Variants in ROBO1 observed in about 807,000 individuals in gnomAD.
ROBO1 encodes roundabout guidance receptor 1.
In ROBO1, 149 loss-of-function variants were observed where a neutral mutation model predicts 195.9. The ratio of observed to expected loss-of-function variants is 0.76; its 90% confidence interval spans 0.67 to 0.87. The LOEUF is 0.87. Among genes scored for constraint, ROBO1 ranks in the 40% least tolerant of loss-of-function variants. ROBO1 has a pLI of 0.00. For synonymous variants in ROBO1, 816 were observed against 733.2 expected, an observed-to-expected ratio of 1.11 and a Z score of -1.82; for missense variants, 1,933 against 2,068.3, an observed-to-expected ratio of 0.93 and a Z score of 1.27.
At position 79,436,200 on chromosome 3, in the gene ROBO1, T is replaced by A. The variant is rs538203462; in HGVS notation, c.88+153624A>T. On this transcript the variant is annotated intron_variant, in intron 2 of 30. Transcript: ENST00000464233. The stretch of plus-strand genomic sequence containing the variant: ...TGTGCTAATGAATAAAATGCCATTT[T>A]AAAAATAATAAATGAAACTTAACAA... Among the ~76,000 whole-genome samples the A allele has an allele frequency of 3.9e-5, 6 of 152,180 alleles. No homozygotes were observed. The South Asian group carries it at 1.0e-3, about 26-fold the overall frequency.
chr3:79,274,295 A>G (rs938008723), intron 2 of ROBO1, among the ~76,000 whole-genome samples: 4 of 151,976 alleles, frequency 2.6e-5, no homozygotes, highest in Admixed American at 6.6e-5. Context: ...AGCTATGTCA[A>G]ATATCTTCTC....
intron 10 of ROBO1, among the ~76,000 whole-genome samples, chr3:78,681,643 G>T (rs539270402): frequency 7.2e-5 from 11 of 152,262 alleles, no homozygotes; most frequent in African/African-American, 2.4e-4. Flanking sequence ...GGTGGCTCAC[G>T]CCTGTAATCC....
intron 4 of ROBO1, among the ~76,000 whole-genome samples, chr3:78,900,314 C>CAT (rs1262945249): frequency 6.6e-6 from 1 of 152,040 alleles, no homozygotes; most frequent in Non-Finnish European, 1.5e-5. Context: ...ATATGCATAT[C>CAT]ATGTAAAATA....
intron 2 of ROBO1, among the ~76,000 whole-genome samples, chr3:79,259,209 A>G (rs1346175554): frequency 6.6e-6 from 1 of 151,986 alleles, no homozygotes; most frequent in African/African-American, 2.4e-5. Flanking sequence ...CAGTGGTGCA[A>G]TCTTGGTTCA....
At chr3:79,739,141 G>T (rs541809027) in intron 1 of ROBO1, among the ~76,000 whole-genome samples, 1 of 152,082 alleles carries the variant, frequency 6.6e-6, no homozygotes, top group East Asian at 1.9e-4. Flanking sequence ...TTGGATTGAG[G>T]CAAGAAAATG....
chr3:79,635,142 T>A (rs1327537594), intron 1 of ROBO1, among the ~76,000 whole-genome samples: 1 of 152,184 alleles, frequency 6.6e-6, no homozygotes, highest in Non-Finnish European at 1.5e-5. Flanking sequence ...ACAGGCCACA[T>A]TTTCCTATCA....
chr3:78,663,166 A>G (rs568256337), intron 14 of ROBO1, among the ~76,000 whole-genome samples: 2 of 152,124 alleles, frequency 1.3e-5, no homozygotes, highest in South Asian at 4.2e-4. Flanking sequence ...GGTAGAAAGC[A>G]AAAGCAGGAA....
At chr3:79,179,947 T>C in intron 2 of ROBO1, among the ~76,000 whole-genome samples, 1 of 152,152 alleles carries the variant, frequency 6.6e-6, no homozygotes, top group East Asian at 1.9e-4. Flanking sequence ...TGTGGAAATG[T>C]TTTTGGTGTG....
intron 5 of ROBO1, among the ~76,000 whole-genome samples, chr3:78,720,952 G>A (rs11919682): frequency 0.019 from 2,808 of 147,132 alleles, 141 homozygotes; most frequent in African/African-American, 0.068. Context: ...TGTGGGGTTG[G>A]GGGGGGGGCG....
chr3:79,687,567 C>A (rs373294983), intron 1 of ROBO1, among the ~76,000 whole-genome samples: 13 of 151,946 alleles, frequency 8.6e-5, no homozygotes, highest in Non-Finnish European at 1.5e-4. Context: ...AAGGATATGA[C>A]CAGACACTTC....
At chr3:78,930,460 C>T (rs543608836) in intron 4 of ROBO1, among the ~76,000 whole-genome samples, 1 of 152,186 alleles carries the variant, frequency 6.6e-6, no homozygotes, top group East Asian at 1.9e-4. Flanking sequence ...GACAGGTGGA[C>T]TTGGAAGAAG....
At chr3:79,556,454 G>A (rs1942701925) in intron 2 of ROBO1, among the ~76,000 whole-genome samples, 1 of 152,006 alleles carries the variant, frequency 6.6e-6, no homozygotes, top group South Asian at 2.1e-4. Context: ...ACTCACACTT[G>A]AGTCTCCTGA....
intron 2 of ROBO1, among the ~76,000 whole-genome samples, chr3:79,414,031 T>TA (rs2037892592): frequency 6.6e-6 from 1 of 152,142 alleles, no homozygotes; most frequent in Non-Finnish European, 1.5e-5. Context: ...CTCCTCGAAA[T>TA]ACCTTTTTCC....
At chr3:79,702,678 C>T (rs1314218257) in intron 1 of ROBO1, among the ~76,000 whole-genome samples, 2 of 151,908 alleles carry the variant, frequency 1.3e-5, no homozygotes, top group Non-Finnish European at 2.9e-5. Context: ...AACAATCACC[C>T]AAGTTCGCAC....
At chr3:79,280,157 G>A (rs1049653061) in intron 2 of ROBO1, among the ~76,000 whole-genome samples, 12 of 152,170 alleles carry the variant, frequency 7.9e-5, no homozygotes, top group Middle Eastern at 3.4e-3. Context: ...AAGTTAGACA[G>A]GAAGAATACA....
chr3:78,818,518 G>T (rs1374286393), intron 4 of ROBO1, among the ~76,000 whole-genome samples: 1 of 152,176 alleles, frequency 6.6e-6, no homozygotes, highest in East Asian at 1.9e-4. Flanking sequence ...ACCCAGCAGG[G>T]GACTAATGCA....
chr3:79,111,179 T>G (rs1002056887), intron 3 of ROBO1, among the ~76,000 whole-genome samples: 4 of 152,162 alleles, frequency 2.6e-5, no homozygotes, highest in Admixed American at 6.5e-5. Flanking sequence ...TCAGGCATAA[T>G]CAGGAACACA....
At chr3:79,728,881 T>G (rs1175083967) in intron 1 of ROBO1, among the ~76,000 whole-genome samples, 1 of 152,164 alleles carries the variant, frequency 6.6e-6, no homozygotes, top group Non-Finnish European at 1.5e-5. Context: ...TTTTAATGAT[T>G]GAAACTCTTC....
intron 1 of ROBO1, among the ~76,000 whole-genome samples, chr3:79,669,164 G>A (rs1055201046): frequency 5.3e-5 from 8 of 151,792 alleles, no homozygotes; most frequent in Non-Finnish European, 1.2e-4. Context: ...TTCCCATGCT[G>A]TTCTCATGAT....
Sources: gnomAD v4.1 joint callset for allele counts (sites outside exome capture counted in the v4.1 genomes callset) on GRCh38, gnomAD v4.1.1 for gene constraint, MANE v1.5 for transcripts, NCBI Gene and HGNC (gene_info 2026-07-23, HGNC 2026-07-21) for gene names.